The following PHIP variants were observed in gnomAD, a reference collection of about 807,000 sequenced individuals.
PHIP encodes the protein PH-interacting protein.
A neutral mutation model predicts 236.8 loss-of-function variants in PHIP; 54 were observed. That is an observed-to-expected ratio of 0.23 (90% CI 0.18 to 0.29). The LOEUF is 0.29. Among genes scored for constraint, PHIP ranks in the 10% least tolerant of loss-of-function variants. PHIP has a pLI of 1.00. For synonymous variants in PHIP, 756 were observed against 718.9 expected (o/e 1.05, Z -0.83); for missense variants, 1,370 against 2,190.8 (o/e 0.63, Z 7.48).
At chr6:79,051,369 C>T (rs1450656694) in intron 6 of PHIP, among the ~76,000 whole-genome samples, 1 of 152,046 alleles carries the variant, frequency 6.6e-6, no homozygotes, top group Non-Finnish European at 1.5e-5. Context: ...CTTGTAGTCA[C>T]CTTTTTGTCT....
chr6:79,003,736 A>G lies in PHIP; in HGVS notation c.1647T>C (p.Tyr549=), dbSNP rs70937070. The G allele has an allele frequency of 1.1e-4, 181 of 1,603,714 alleles. No homozygotes were observed. The East Asian group carries it at 3.5e-3, about 31-fold the overall frequency. ...TATAGTCATCATACTCTACCTTGTC[A>G]TATTTGCTACTGGACCCAAAGCCAA... The part of the protein sequence containing the change: ...LIFGFGSSSK[Y]DKIADQMFFH... The change falls in exon 16 of 40, where the codon TAT becomes TAC. Residue 549 remains tyrosine (Y), a synonymous_variant. Coordinates refer to ENST00000275034, the MANE Select transcript of PHIP (RefSeq NM_017934.7).
intron 4 of PHIP, among the ~76,000 whole-genome samples, chr6:79,065,299 C>T (rs1221027816): frequency 6.6e-6 from 1 of 152,166 alleles, no homozygotes; most frequent in African/African-American, 2.4e-5. Flanking sequence ...GCTTTCCTCA[C>T]TCTTTGGATA....
In PHIP at chr6:79,078,171, G is replaced by GC; in HGVS notation, c.-104dup. The GC allele has an allele frequency of 8.6e-7, 1 of 1,160,536 alleles. No individual in the cohort carries two copies. Among genetic ancestry groups the GC allele is most frequent in the Non-Finnish European group, 1.2e-6 (1 of 813,408 alleles). The allele number at this position is 1,160,536 out of a possible 1,614,324, so 71.9% of individuals were successfully genotyped here. On this transcript the variant is annotated 5_prime_UTR_variant, in exon 1 of 40. It removes the in-frame stop codon of an upstream open reading frame in the 5' UTR. Transcript: ENST00000275034. Reference sequence around the variant, plus strand: ...TATAGCTGTCAGTGTGTGTTCACGAGCCGAGCTTCGGCTCCACCATTCAAG... The same window carrying GC: ...TATAGCTGTCAGTGTGTGTTCACGAGCCCGAGCTTCGGCTCCACCATTCAAG...
intron 15 of PHIP, among the ~76,000 whole-genome samples, chr6:79,010,966 G>A (rs1770544648): frequency 6.6e-6 from 1 of 151,772 alleles, no homozygotes; most frequent in Admixed American, 6.6e-5. Context: ...TCTAAACCTG[G>A]CGACCTCTTT....
At chr6:79,018,991 T>C (rs1770977398) in intron 10 of PHIP, 98 bp downstream of exon 10, 1 of 768,368 alleles carries the variant, frequency 1.3e-6, no homozygotes, top group African/African-American at 1.7e-5. Context: ...ACATGATTGA[T>C]AATACAACAG....
At chr6:78,955,888 T>C (rs1429499241) in intron 32 of PHIP, 1 of 305,778 alleles carries the variant, frequency 3.3e-6, no homozygotes, top group African/African-American at 2.1e-5. Flanking sequence ...GGCCTCACTA[T>C]ATCATTACAC....
chr6:79,049,216 C>T (rs1772665201), intron 6 of PHIP, among the ~76,000 whole-genome samples: 1 of 151,950 alleles, frequency 6.6e-6, no homozygotes, highest in South Asian at 2.1e-4. Flanking sequence ...GTGTGCACCA[C>T]CATGCCTAAT....
At chr6:79,058,390 G>A (rs1439406031) in intron 6 of PHIP, among the ~76,000 whole-genome samples, 1 of 152,036 alleles carries the variant, frequency 6.6e-6, no homozygotes, top group African/African-American at 2.4e-5. Context: ...TTACTAATCT[G>A]ACCATCAACG....
At chr6:79,036,854 G>A (rs1771960958) in intron 7 of PHIP, among the ~76,000 whole-genome samples, 1 of 142,848 alleles carries the variant, frequency 7.0e-6, no homozygotes. Context: ...CTGGGAGGTG[G>A]AGCTTGCAAG....
intron 7 of PHIP, among the ~76,000 whole-genome samples, chr6:79,028,621 C>T (rs1337621499): frequency 6.6e-6 from 1 of 152,218 alleles, no homozygotes; most frequent in Non-Finnish European, 1.5e-5. Flanking sequence ...AAGTTCTCTA[C>T]ATTTCACAAA....
In PHIP at chr6:79,023,123, G is replaced by A. The variant is rs138110482; in HGVS notation, c.923+2396C>T. On this transcript the variant is annotated intron_variant, in intron 9 of 39. Coordinates refer to ENST00000275034, the MANE Select transcript of PHIP (RefSeq NM_017934.7). ...GACAGGATCTTGGCCCTGTCGCAGA[G>A]GCTACAGTACAGTGGTGAGATCACA... 6.3e-4 allele frequency among the ~76,000 whole-genome samples: 96 copies of A among 152,276 alleles called. 1 individual carries two copies. In the South Asian group the frequency reaches 8.1e-3, roughly 13 times the overall value.
At chr6:79,031,753 T>C (rs1177223960) in intron 7 of PHIP, among the ~76,000 whole-genome samples, 1 of 152,226 alleles carries the variant, frequency 6.6e-6, no homozygotes, top group African/African-American at 2.4e-5. Context: ...CTTCTAGTAC[T>C]TTTACAGTAT....
chr6:79,059,133 T>C (rs1437060592), intron 6 of PHIP, among the ~76,000 whole-genome samples: 2 of 151,920 alleles, frequency 1.3e-5, no homozygotes, highest in African/African-American at 4.8e-5. Flanking sequence ...GAAAAGTAAG[T>C]CAGAGCAAAC....
At chr6:78,982,031 G>A (rs965660861) in intron 23 of PHIP, among the ~76,000 whole-genome samples, 1 of 151,930 alleles carries the variant, frequency 6.6e-6, no homozygotes, top group Non-Finnish European at 1.5e-5. Flanking sequence ...AAAGCTCTGT[G>A]GGAATAAAGA....
At chr6:79,007,596 A>G (rs1770352371) in intron 15 of PHIP, among the ~76,000 whole-genome samples, 1 of 151,772 alleles carries the variant, frequency 6.6e-6, no homozygotes, top group African/African-American at 2.4e-5. Context: ...TATCTTAGGC[A>G]GAACCATCCT....
intron 15 of PHIP, among the ~76,000 whole-genome samples, chr6:79,014,877 C>T (rs1770767274): frequency 6.6e-6 from 1 of 151,782 alleles, no homozygotes; most frequent in African/African-American, 2.4e-5. Context: ...TCACAATGTA[C>T]AGGCACTGTA....
At chr6:78,979,636 C>T (rs1053673514) in intron 23 of PHIP, among the ~76,000 whole-genome samples, 1 of 151,880 alleles carries the variant, frequency 6.6e-6, no homozygotes, top group Non-Finnish European at 1.5e-5. Flanking sequence ...TTACCTTAGA[C>T]TCAGGAAAAA....
chr6:79,065,546 T>C (rs1773580458), intron 4 of PHIP, among the ~76,000 whole-genome samples: 1 of 152,170 alleles, frequency 6.6e-6, no homozygotes, highest in South Asian at 2.1e-4. Flanking sequence ...AACTCTTCCA[T>C]GTGTCTCAGA....
intron 24 of PHIP, among the ~76,000 whole-genome samples, chr6:78,974,096 C>A (rs1767846017): frequency 1.3e-5 from 2 of 152,068 alleles, no homozygotes; most frequent in South Asian, 2.1e-4. Flanking sequence ...CCACACCACA[C>A]CTATTCCAAA....
Sources: allele counts gnomAD v4.1 joint callset (sites outside exome capture counted in the v4.1 genomes callset), GRCh38; gene constraint gnomAD v4.1.1; transcripts MANE v1.5; gene names NCBI Gene and HGNC (gene_info 2026-07-23, HGNC 2026-07-21).